GALNT17: variants seen among roughly 807,000 people sequenced by gnomAD.
GALNT17 encodes UDP-GalNAc:polypeptide N-acetylgalactosaminyltransferase-like 3.
A neutral mutation model predicts 63.7 loss-of-function variants in GALNT17; 29 were observed. The observed-to-expected ratio is 0.46, with a 90% CI of 0.34 to 0.62. The LOEUF is 0.62. Ranked by LOEUF, GALNT17 falls within the 20% of genes least tolerant of loss-of-function variation. The probability of loss-of-function intolerance (pLI) is 0.01; values close to 1 mark genes in which losing one functional copy is unlikely to be tolerated. For missense variants in GALNT17, 603 were observed against 799.6 expected (o/e 0.75, Z 2.97); for synonymous variants, 305 against 318.3 (o/e 0.96, Z 0.45).
intron 6 of GALNT17, among the ~76,000 whole-genome samples, chr7:71,635,381 G>A (rs572139898): frequency 1.3e-5 from 2 of 152,268 alleles, no homozygotes; most frequent in African/African-American, 4.8e-5. Flanking sequence ...ATATCATGAG[G>A]CCTGTCTGAC....
intron 1 of GALNT17, among the ~76,000 whole-genome samples, chr7:71,213,057 A>G (rs775500296): frequency 2.0e-5 from 3 of 152,124 alleles, no homozygotes; most frequent in African/African-American, 7.2e-5. Context: ...CAGGGGCAGA[A>G]TGATATGGTT....
chr7:71,412,495 G>A (rs983251452), intron 3 of GALNT17, among the ~76,000 whole-genome samples: 4 of 151,538 alleles, frequency 2.6e-5, no homozygotes, highest in Middle Eastern at 3.2e-3. Flanking sequence ...CCTCAGCCCC[G>A]CTGAGAGGCT....
intron 1 of GALNT17, among the ~76,000 whole-genome samples, chr7:71,308,435 G>C (rs1343718224): frequency 6.6e-6 from 1 of 152,130 alleles, no homozygotes; most frequent in East Asian, 1.9e-4. Context: ...ATCACTATGT[G>C]TTTCTCAGGA....
intron 5 of GALNT17, among the ~76,000 whole-genome samples, chr7:71,489,835 C>T (rs1250817406): frequency 1.3e-5 from 2 of 152,218 alleles, no homozygotes; most frequent in African/African-American, 4.8e-5. Flanking sequence ...CCTCAATCTC[C>T]TGTATGGCTG....
chr7:71,593,028 A>C (rs1789832701), intron 6 of GALNT17, among the ~76,000 whole-genome samples: 1 of 152,046 alleles, frequency 6.6e-6, no homozygotes, highest in Non-Finnish European at 1.5e-5. Context: ...GCACACCTGT[A>C]GTCCCAGCAA....
chr7:71,622,135 A>G (rs1790303462), intron 6 of GALNT17, among the ~76,000 whole-genome samples: 1 of 152,136 alleles, frequency 6.6e-6, no homozygotes, highest in Non-Finnish European at 1.5e-5. Context: ...GCTTTGGAGC[A>G]CACCTCACAG....
At chr7:71,496,323 G>T (rs747184725) in intron 5 of GALNT17, among the ~76,000 whole-genome samples, 1 of 151,968 alleles carries the variant, frequency 6.6e-6, no homozygotes, top group Admixed American at 6.6e-5. Flanking sequence ...GCATCAGTGG[G>T]CCAGTTGGAG....
chr7:71,238,594 C>T (rs557890971), intron 1 of GALNT17, among the ~76,000 whole-genome samples: 76 of 152,244 alleles, frequency 5.0e-4, no homozygotes, highest in Non-Finnish European at 9.6e-4. Context: ...ATGAAGGTCT[C>T]GCCAGCCCTG....
chr7:71,220,553 T>C (rs35853756), intron 1 of GALNT17, among the ~76,000 whole-genome samples: 56,471 of 151,848 alleles, frequency 0.37, 10,812 homozygotes, highest in South Asian at 0.53. Flanking sequence ...GGGGTGTAGT[T>C]CATTTTATCT....
chr7:71,329,971 G>GTATATGTGTGTGTGTATATATATACA (rs1791778430), intron 1 of GALNT17, among the ~76,000 whole-genome samples: 1 of 51,092 alleles, frequency 2.0e-5, no homozygotes, highest in Non-Finnish European at 4.4e-5. Context: ...ATATATATAC[G>GTATATGTGTGTGTGTATATATATACA]TATATGTGTG....
chr7:71,231,483 G>C (rs946899961), intron 1 of GALNT17, among the ~76,000 whole-genome samples: 1 of 152,110 alleles, frequency 6.6e-6, no homozygotes, highest in Admixed American at 6.6e-5. Flanking sequence ...AAAGATGGGT[G>C]TTTTAGTCGG....
chr7:71,278,741 G>A (rs529696973), intron 1 of GALNT17, among the ~76,000 whole-genome samples: 1 of 152,010 alleles, frequency 6.6e-6, no homozygotes, highest in African/African-American at 2.4e-5. Context: ...GATCTCATGA[G>A]AACTCACTAT....
chr7:71,509,617 T>C (rs570404090), intron 5 of GALNT17, among the ~76,000 whole-genome samples: 84 of 152,322 alleles, frequency 5.5e-4, no homozygotes, highest in Middle Eastern at 3.4e-3. Flanking sequence ...TCACAGGAGC[T>C]AGGATTCAAA....
chr7:71,531,076 AT>A (rs1788712920), intron 5 of GALNT17, among the ~76,000 whole-genome samples: 1 of 152,172 alleles, frequency 6.6e-6, no homozygotes, highest in Admixed American at 6.5e-5. Flanking sequence ...ATCAAAATGT[AT>A]TTTTATTAAA....
At chr7:71,610,334 T>A (rs1365621551) in intron 6 of GALNT17, among the ~76,000 whole-genome samples, 1 of 151,896 alleles carries the variant, frequency 6.6e-6, no homozygotes, top group Non-Finnish European at 1.5e-5. Context: ...CTTTAAAAAA[T>A]AACTGGGCAT....
At chr7:71,342,823 A>G (rs1209864371) in intron 2 of GALNT17, among the ~76,000 whole-genome samples, 1 of 152,188 alleles carries the variant, frequency 6.6e-6, no homozygotes, top group African/African-American at 2.4e-5. Flanking sequence ...TGGAGATTAC[A>G]GGAGTTGAAG....
chr7:71,693,987 A>G (rs497409), intron 9 of GALNT17, among the ~76,000 whole-genome samples: 76,876 of 151,948 alleles, frequency 0.51, 23,787 homozygotes, highest in Non-Finnish European at 0.7. Flanking sequence ...TGCTGCTGAT[A>G]AAGTCGTACC....
intron 5 of GALNT17, among the ~76,000 whole-genome samples, chr7:71,425,555 T>G (rs780744261): frequency 1.5e-4 from 23 of 152,220 alleles, no homozygotes; most frequent in Admixed American, 1.1e-3. Context: ...ATCTAGAGCC[T>G]TTGTGAAATC....
chr7:71,306,247 G>A (rs1424982035), intron 1 of GALNT17, among the ~76,000 whole-genome samples: 1 of 147,702 alleles, frequency 6.8e-6, no homozygotes, highest in Non-Finnish European at 1.5e-5. Flanking sequence ...TTCTAATTTT[G>A]GTAAAACATA....
Sources: gnomAD v4.1 joint callset for allele counts (sites outside exome capture counted in the v4.1 genomes callset) on GRCh38, gnomAD v4.1.1 for gene constraint, MANE v1.5 for transcripts, NCBI Gene and HGNC (gene_info 2026-07-23, HGNC 2026-07-21) for gene names.